Variants in POMT2 observed in about 807,000 individuals in gnomAD.
The protein encoded by POMT2 is protein O-mannosyl-transferase 2.
POMT2 carries 75 observed loss-of-function variants against 100.0 expected under a neutral mutation model. The ratio of observed to expected loss-of-function variants is 0.75; its 90% confidence interval spans 0.62 to 0.91. The LOEUF is 0.91. POMT2 is among the 40% of genes least tolerant of loss of function. POMT2 has a pLI of 0.00. For missense variants in POMT2, 940 were observed against 955.1 expected (o/e 0.98, Z 0.21); for synonymous variants, 378 against 374.1 (o/e 1.01, Z -0.12).
chr14:77,286,078 G>A (rs1236549397), intron 12 of POMT2, among the ~76,000 whole-genome samples: 1 of 152,228 alleles, frequency 6.6e-6, no homozygotes, highest in African/African-American at 2.4e-5. Context: ...ATTAAGACAT[G>A]TATGTCTAAT....
At chr14:77,277,608 G>T in intron 20 of POMT2, 127 bp from the exon 21 acceptor site, 1 of 790,886 alleles carries the variant, frequency 1.3e-6, no homozygotes, top group Non-Finnish European at 2.2e-6. Context: ...CTCTTTCACG[G>T]CCTTGTCTGT....
rs1891871494 is a variant in POMT2, at chr14:77,320,825, T to TCGGGG, written c.-149_-145dup. 9 of 1,333,344 alleles carry TCGGGG rather than the reference T, an allele frequency of 6.7e-6. No homozygotes were observed. Among genetic ancestry groups the TCGGGG allele is most frequent in the Middle Eastern group, 2.8e-4 (1 of 3,524 alleles). 82.6% of individuals were successfully genotyped at this position (1,333,344 alleles called of 1,614,324 possible). ...TGCAGCGGAGCGCGGGGCCCCGGGC[T>TCGGGG]CGGGGCGGGGCGGGCAGCGTGGTCG... On this transcript the variant is annotated 5_prime_UTR_variant, in exon 1 of 21. Coordinates refer to ENST00000261534, the MANE Select transcript of POMT2 (RefSeq NM_013382.7).
At chr14:77,280,862 C>T (rs186963761) in intron 15 of POMT2, among the ~76,000 whole-genome samples, 19 of 152,228 alleles carry the variant, frequency 1.2e-4, no homozygotes, top group African/African-American at 4.3e-4. Context: ...GAGGCCGAGG[C>T]GGGTGGATCA....
chr14:77,278,437 G>T lies in POMT2; in HGVS notation c.2104C>A (p.His702Asn). Residue 702 changes from histidine (H) to asparagine (N), a missense_variant, in exon 20 of 21, where the codon CAT (histidine) becomes AAT (asparagine). Physicochemically the swap from His to Asn is moderately conservative, Grantham distance 68. Transcript: ENST00000261534. ...AGCAGGCTCAGGATTCCCGCCACAT[G>T]TATGCCCCTCGCCAGGGGCCATGAG... is the stretch of plus-strand genomic sequence containing the variant. The part of the protein sequence containing the change: ...LASWPLARGI[H>N]VAGILSLLLG... 6.7e-7 allele frequency: 1 copy of T among 1,498,270 alleles called. No individual in the cohort carries two copies. The highest frequency in any genetic ancestry group is 9.1e-7 in the Non-Finnish European group (1 of 1,098,250). The allele number at this position is 1,498,270 out of a possible 1,614,324, so 92.8% of individuals were successfully genotyped here. A position where few individuals can be genotyped will look rare whatever the true frequency, so the allele number is the denominator to read the frequency against.
chr14:77,282,281 G>A (rs1233487497), intron 15 of POMT2, among the ~76,000 whole-genome samples: 1 of 152,180 alleles, frequency 6.6e-6, no homozygotes, highest in African/African-American at 2.4e-5. Context: ...ACCATCACAG[G>A]CATATGTACT....
At chr14:77,304,879 T>G (rs1293378841) in intron 3 of POMT2, 79 bp from the exon 4 acceptor site, 1 of 1,539,738 alleles carries the variant, frequency 6.5e-7, no homozygotes, top group African/African-American at 1.4e-5. Context: ...CAACCTAACA[T>G]TTAAGACAGG....
In POMT2 at chr14:77,278,515, G is replaced by A; in HGVS notation, c.2033-7C>T. On this transcript the variant is annotated splice_region_variant and splice_polypyrimidine_tract_variant and intron_variant, in intron 19 of 20. Transcript: ENST00000261534. ...AGGGTGTCCCACAGAATGCCTAGAG[G>A]AGAGGAGAGAAACCTGGAGTCAGCC... 1.4e-6 allele frequency: 2 copies of A among 1,465,212 alleles called. No individual in the cohort carries two copies. Among genetic ancestry groups the A allele is most frequent in the South Asian group, 2.4e-5 (2 of 82,482 alleles). 90.8% of individuals were successfully genotyped at this position (1,465,212 alleles called of 1,614,324 possible).
intron 5 of POMT2, among the ~76,000 whole-genome samples, chr14:77,301,574 C>G (rs1891044789): frequency 6.6e-6 from 1 of 152,194 alleles, no homozygotes; most frequent in South Asian, 2.1e-4. Flanking sequence ...AAGGAGAATC[C>G]TTAGGTGCCC....
chr14:77,307,271 G>C (rs1011265392), intron 2 of POMT2, among the ~76,000 whole-genome samples: 4 of 152,360 alleles, frequency 2.6e-5, no homozygotes, highest in African/African-American at 9.6e-5. Flanking sequence ...GGCTGTGTTG[G>C]GGGAGGGAAT....
At chr14:77,316,338 T>G (rs1387853106) in intron 1 of POMT2, among the ~76,000 whole-genome samples, 1 of 152,050 alleles carries the variant, frequency 6.6e-6, no homozygotes, top group Non-Finnish European at 1.5e-5. Context: ...TTCAGGAGGC[T>G]GAGGCAGGAG....
At position 77,284,962 on chromosome 14, in the gene POMT2, T is replaced by C. The variant is rs1890365265; in HGVS notation, c.1564A>G (p.Ile522Val). Reference protein sequence around the residue: ...LNSIWNVEDHINPKLPNISLD... With the variant: ...LNSIWNVEDHVNPKLPNISLD... ...TGACCTCACTCACACTTGGGATTGA[T>C]ATGGTCCTCCACATTCCAGATGGAG... The change falls in exon 14 of 21, where the codon ATC becomes GTC. Residue 522 changes from isoleucine (I) to valine (V), a missense_variant. Ile to Val is a conservative substitution (Grantham distance 29, BLOSUM62 3). Coordinates refer to ENST00000261534, the MANE Select transcript of POMT2 (RefSeq NM_013382.7). The C allele has an allele frequency of 6.2e-7, 1 of 1,609,994 alleles. No individual in the cohort carries two copies. The highest frequency in any genetic ancestry group is 1.1e-5 in the South Asian group (1 of 91,000).
At chr14:77,301,665 G>GTCA (rs1208980469) in intron 5 of POMT2, among the ~76,000 whole-genome samples, 1 of 152,150 alleles carries the variant, frequency 6.6e-6, no homozygotes, top group Non-Finnish European at 1.5e-5. Context: ...CTATGTATGC[G>GTCA]TCACGCATCA....
At chr14:77,289,681 A>G (rs1474305132) in intron 10 of POMT2, among the ~76,000 whole-genome samples, 1 of 152,200 alleles carries the variant, frequency 6.6e-6, no homozygotes, top group Non-Finnish European at 1.5e-5. Flanking sequence ...ATAAACCCTG[A>G]CAATCTTGCC....
chr14:77,296,473 G>A (rs1244122946), intron 8 of POMT2, 200 bp from the exon 9 acceptor site: 7 of 588,600 alleles, frequency 1.2e-5, no homozygotes, highest in South Asian at 4.0e-5. Context: ...TTACTCCCCC[G>A]CCTCCTGAGG....
In POMT2 at chr14:77,275,462, T is replaced by C. The variant is rs1889903116; in HGVS notation, c.*1914A>G. 1 of 152,270 alleles carries C rather than the reference T, an allele frequency of 6.6e-6. No homozygotes were observed. Among genetic ancestry groups the C allele is most frequent in the Admixed American group, 6.5e-5 (1 of 15,284 alleles). The allele number at this position is 152,270 out of a possible 1,614,324, so 9.4% of individuals were successfully genotyped here. ...TCCCTTCCAAGTTCCTACTGAGAAA[T>C]AAGAAGGCACAAAGGAAAATCAGCC... On this transcript the variant is annotated 3_prime_UTR_variant, in exon 21 of 21. Transcript: ENST00000261534.
At chr14:77,296,538 GC>G (rs750400507) in intron 8 of POMT2, 7 of 484,260 alleles carry the variant, frequency 1.4e-5, no homozygotes, top group Non-Finnish European at 2.6e-5. Flanking sequence ...ACGTGTAACA[GC>G]AAAAGACGAA....
chr14:77,278,296 G>T, intron 20 of POMT2, 98 bp downstream of exon 20: 2 of 1,011,592 alleles, frequency 2.0e-6, no homozygotes, highest in Non-Finnish European at 3.0e-6. Flanking sequence ...ATGGGCACTG[G>T]TGGTGTTAAA....
chr14:77,318,735 ATTT>A (rs10643583), intron 1 of POMT2, among the ~76,000 whole-genome samples: 3 of 140,136 alleles, frequency 2.1e-5, no homozygotes, highest in African/African-American at 5.3e-5. Context: ...ATGGTAGTTA[ATTT>A]TTTTTTTTTT....
At chr14:77,311,158 T>A (rs774005864) in intron 2 of POMT2, among the ~76,000 whole-genome samples, 4 of 151,796 alleles carry the variant, frequency 2.6e-5, no homozygotes, top group African/African-American at 4.8e-5. Flanking sequence ...AAAAAAAGAG[T>A]AAAGTGAATT....
Sources: gnomAD v4.1 joint callset for allele counts (sites outside exome capture counted in the v4.1 genomes callset) on GRCh38, gnomAD v4.1.1 for gene constraint, MANE v1.5 for transcripts, NCBI Gene and HGNC (gene_info 2026-07-23, HGNC 2026-07-21) for gene names.